GSG1L: variants seen among roughly 807,000 people sequenced by gnomAD.
GSG1L encodes germ cell-specific gene 1-like protein.
A neutral mutation model predicts 42.1 loss-of-function variants in GSG1L; 24 were observed. That is an observed-to-expected ratio of 0.57 (90% CI 0.41 to 0.80). GSG1L has a LOEUF of 0.80. Ranked by LOEUF, GSG1L falls within the 30% of genes least tolerant of loss-of-function variation. GSG1L has a pLI of 0.00. For missense variants in GSG1L, 445 were observed against 472.2 expected (o/e 0.94, Z 0.53); for synonymous variants, 215 against 203.5 (o/e 1.06, Z -0.48).
chr16:27,888,232 C>T, intron 2 of GSG1L: 1 of 499,850 alleles, frequency 2.0e-6, no homozygotes, highest in Non-Finnish European at 2.6e-6. Flanking sequence ...GGACGCTTCC[C>T]CCGCCCCTCT....
chr16:27,853,526 T>C (rs1350363966), intron 3 of GSG1L, among the ~76,000 whole-genome samples: 1 of 152,160 alleles, frequency 6.6e-6, no homozygotes, highest in Non-Finnish European at 1.5e-5. Context: ...GAGGAGCATT[T>C]TGGGGGGTCA....
chr16:27,932,935 C>T (rs142068026), intron 2 of GSG1L, among the ~76,000 whole-genome samples: 6 of 152,186 alleles, frequency 3.9e-5, no homozygotes, highest in African/African-American at 9.6e-5. Context: ...CAAGGTAACC[C>T]GCCCAACCTG....
intron 1 of GSG1L, among the ~76,000 whole-genome samples, chr16:28,048,978 A>T (rs372059972): frequency 3.9e-5 from 6 of 152,204 alleles, no homozygotes; most frequent in African/African-American, 1.4e-4. Flanking sequence ...GGGCTGGAGA[A>T]AAAAAGGGAG....
intron 6 of GSG1L, among the ~76,000 whole-genome samples, chr16:27,792,855 T>C (rs1310511876): frequency 6.6e-6 from 1 of 152,232 alleles, no homozygotes; most frequent in African/African-American, 2.4e-5. Context: ...TTCCTGAGCA[T>C]GTGCAGCTCC....
At chr16:27,799,050 G>C (rs965846893) in intron 6 of GSG1L, among the ~76,000 whole-genome samples, 3 of 152,170 alleles carry the variant, frequency 2.0e-5, no homozygotes, top group Non-Finnish European at 4.4e-5. Flanking sequence ...CACAGTGAAT[G>C]CAGCAACAAG....
At position 27,789,938 on chromosome 16, in the gene GSG1L, G is replaced by A. The variant is rs2082734173; in HGVS notation, c.*1432C>T. ...GGATAATGGATTAATGATGATGGAG[G>A]GATGAATGAAAAATGGATGAATGGA... On this transcript the variant is annotated 3_prime_UTR_variant, in exon 7 of 7. Transcript: ENST00000447459. The A allele has an allele frequency of 6.7e-6, 1 of 149,744 alleles. No homozygotes were observed. The highest frequency in any genetic ancestry group is 1.5e-5 in the Non-Finnish European group (1 of 67,578). 9.3% of individuals were successfully genotyped at this position (149,744 alleles called of 1,614,324 possible). A position where few individuals can be genotyped will look rare whatever the true frequency, so the allele number is the denominator to read the frequency against.
chr16:27,919,476 G>A (rs759061011), intron 2 of GSG1L, among the ~76,000 whole-genome samples: 29 of 152,314 alleles, frequency 1.9e-4, no homozygotes, highest in South Asian at 1.2e-3. Flanking sequence ...ATCTCCCTAC[G>A]GGGATGACAA....
chr16:27,838,397 T>G (rs1410609800), intron 4 of GSG1L, among the ~76,000 whole-genome samples: 1 of 152,170 alleles, frequency 6.6e-6, no homozygotes, highest in African/African-American at 2.4e-5. Context: ...GTTTGAAAAC[T>G]CTGGGGCCAG....
intron 2 of GSG1L, among the ~76,000 whole-genome samples, chr16:27,900,144 T>G (rs1425050904): frequency 2.0e-5 from 3 of 152,152 alleles, no homozygotes; most frequent in African/African-American, 7.2e-5. Flanking sequence ...TTCCTGGGAA[T>G]GCAGACAGAA....
At chr16:27,878,812 G>C (rs2083918084) in intron 3 of GSG1L, among the ~76,000 whole-genome samples, 1 of 152,194 alleles carries the variant, frequency 6.6e-6, no homozygotes, top group Admixed American at 6.5e-5. Flanking sequence ...CCACTGCCTT[G>C]GGGGCTTGCA....
At chr16:27,872,813 TG>T (rs1016220080) in intron 3 of GSG1L, among the ~76,000 whole-genome samples, 10 of 152,170 alleles carry the variant, frequency 6.6e-5, no homozygotes, top group Non-Finnish European at 1.3e-4. Flanking sequence ...TTACCATGTA[TG>T]GTCTAAAAGG....
intron 1 of GSG1L, among the ~76,000 whole-genome samples, chr16:28,025,227 G>A (rs989575441): frequency 6.6e-5 from 10 of 152,126 alleles, no homozygotes; most frequent in Non-Finnish European, 1.5e-5. Context: ...TGTGCACTGC[G>A]AGCCATGTCA....
chr16:27,966,683 C>A (rs1158342576), intron 1 of GSG1L, among the ~76,000 whole-genome samples: 1 of 152,194 alleles, frequency 6.6e-6, no homozygotes, highest in Non-Finnish European at 1.5e-5. Flanking sequence ...ACCAAGGATG[C>A]AGCACTGAGC....
intron 6 of GSG1L, among the ~76,000 whole-genome samples, chr16:27,795,513 C>A (rs1420549730): frequency 2.6e-5 from 4 of 152,236 alleles, no homozygotes; most frequent in Non-Finnish European, 4.4e-5. Context: ...GCCCAGCAGG[C>A]ACCCTGCAGA....
At chr16:27,945,601 T>C (rs2084852012) in intron 2 of GSG1L, among the ~76,000 whole-genome samples, 1 of 152,126 alleles carries the variant, frequency 6.6e-6, no homozygotes, top group Admixed American at 6.5e-5. Flanking sequence ...CAAAATGAAA[T>C]TTCAAGCAGA....
At chr16:28,049,511 C>A (rs2086199772) in intron 1 of GSG1L, among the ~76,000 whole-genome samples, 1 of 148,942 alleles carries the variant, frequency 6.7e-6, no homozygotes, top group South Asian at 2.2e-4. Flanking sequence ...CAAGACCCCA[C>A]CTCTAAAAAA....
chr16:27,919,456 C>G (rs939694632), intron 2 of GSG1L, among the ~76,000 whole-genome samples: 1 of 152,242 alleles, frequency 6.6e-6, no homozygotes, highest in Non-Finnish European at 1.5e-5. Flanking sequence ...CACCTCAGAG[C>G]CTTTGCAGGA....
At chr16:27,809,497 G>C (rs1488009592) in intron 5 of GSG1L, among the ~76,000 whole-genome samples, 1 of 151,978 alleles carries the variant, frequency 6.6e-6, no homozygotes, top group Non-Finnish European at 1.5e-5. Flanking sequence ...AGGATCGCTT[G>C]AGCCCAGGAG....
At position 27,979,686 on chromosome 16, in the gene GSG1L, A is replaced by AGAAGGAAGGAAGGAAAG. The variant is rs2085296370; in HGVS notation, c.350-16484_350-16483insCTTTCCTTCCTTCCTTC. On this transcript the variant is annotated intron_variant, in intron 1 of 6. Transcript: ENST00000447459. ...AAGAGAGAGAGAGAGAGAGAAAGAA[A>AGAAGGAAGGAAGGAAAG]GAAGGAAGGAAGGAAGGAAGGAAGG... Among the ~76,000 whole-genome samples, 5 of 40,084 alleles carry AGAAGGAAGGAAGGAAAG rather than the reference A, an allele frequency of 1.2e-4. 1 individual carries two copies. In the East Asian group the frequency reaches 5.7e-3, roughly 46 times the overall value. 26.3% of individuals were successfully genotyped at this position (40,084 alleles called of 152,430 possible).
Sources: gnomAD v4.1 joint callset for allele counts (sites outside exome capture counted in the v4.1 genomes callset) on GRCh38, gnomAD v4.1.1 for gene constraint, MANE v1.5 for transcripts, NCBI Gene and HGNC (gene_info 2026-07-23, HGNC 2026-07-21) for gene names.